Variants in KY observed in about 807,000 individuals in gnomAD.
The protein encoded by KY is kyphoscoliosis peptidase.
A neutral mutation model predicts 76.1 loss-of-function variants in KY; 43 were observed. The ratio of observed to expected loss-of-function variants is 0.57; its 90% CI spans 0.44 to 0.73. KY has a LOEUF of 0.73. Ranked by LOEUF, KY falls within the 30% of genes least tolerant of loss-of-function variation. The pLI is 0.00. For missense variants in KY, 722 were observed against 828.9 expected (o/e 0.87, Z 1.58); for synonymous variants, 277 against 326.2 (o/e 0.85, Z 1.63).
chr3:134,610,529 C>G, intron 8 of KY, 146 bp from the exon 9 acceptor site: 3 of 683,144 alleles, frequency 4.4e-6, no homozygotes, highest in Non-Finnish European at 4.9e-6. Flanking sequence ...CACATATAAA[C>G]AGCCTTGATG....
intron 3 of KY, among the ~76,000 whole-genome samples, chr3:134,635,834 A>C (rs1055834483): frequency 6.6e-6 from 1 of 152,226 alleles, no homozygotes; most frequent in Non-Finnish European, 1.5e-5. Flanking sequence ...TATAAAGCAG[A>C]AAGTGAAACT....
Position 134,625,064 on chromosome 3 carries a change from A to G in KY, c.472T>C (p.Tyr158His), listed in dbSNP as rs759006534. Reference sequence around the variant, plus strand: ...GCCAGCTGTCCTACCTGTGAGGCGTAGATATCCAATTTCTCAAACTGCTGC... The same window carrying G: ...GCCAGCTGTCCTACCTGTGAGGCGTGGATATCCAATTTCTCAAACTGCTGC... The part of the protein sequence containing the change: ...DLQQFEKLDI[Y>H]ASQVTAKSGL... Residue 158 changes from tyrosine (Y) to histidine (H), a missense_variant, in exon 6 of 11, where the codon TAC becomes CAC. Physicochemically the swap from Tyr to His is moderately conservative, Grantham distance 83. Around this residue, in one of 2 missense-constraint regions of KY, gnomAD observed 552 missense variants for 680.9 expected, o/e 0.81. Coordinates refer to ENST00000423778, the MANE Select transcript of KY (RefSeq NM_178554.6). 3 of 1,598,340 alleles carry G rather than the reference A, an allele frequency of 1.9e-6. No individual in the cohort carries two copies. Among genetic ancestry groups the G allele is most frequent in the Non-Finnish European group, 1.7e-6 (2 of 1,172,364 alleles).
At chr3:134,618,178 T>C (rs748059579) in intron 8 of KY, among the ~76,000 whole-genome samples, 1 of 151,846 alleles carries the variant, frequency 6.6e-6, no homozygotes, top group African/African-American at 2.4e-5. Flanking sequence ...TGCTTGGCAG[T>C]GGTGATGGGG....
chr3:134,616,758 A>G (rs956500999), intron 8 of KY, among the ~76,000 whole-genome samples: 4 of 152,214 alleles, frequency 2.6e-5, no homozygotes, highest in Admixed American at 2.0e-4. Context: ...AATTTTCTGA[A>G]TCTATGTAGG....
intron 10 of KY, chr3:134,607,487 C>T: frequency 1.0e-6 from 1 of 985,670 alleles, no homozygotes; most frequent in Non-Finnish European, 1.2e-6. Context: ...ATGGAGGCCC[C>T]AGTGGCAGAG....
chr3:134,620,881 G>C (rs1250113290), intron 6 of KY, 24 bp from the exon 7 acceptor site: 2 of 1,471,668 alleles, frequency 1.4e-6, no homozygotes, highest in Non-Finnish European at 1.9e-6. Context: ...AGGGTGTGCT[G>C]TATTAGGGCC....
rs1457453321 is a variant in KY at position 134,603,786 on chromosome 3, C to T, written c.1779G>A (p.Arg593=). 1.2e-6 allele frequency: 2 copies of T among 1,613,238 alleles called. No individual in the cohort carries two copies. The highest frequency in any genetic ancestry group is 8.5e-7 in the Non-Finnish European group (1 of 1,179,386). Residue 593 remains arginine (R), a synonymous_variant, in exon 11 of 11, where the codon CGG becomes CGA. Coordinates refer to ENST00000423778, the MANE Select transcript of KY (RefSeq NM_178554.6). The part of the protein sequence containing the change: ...EPLSGVLPAN[R]NVPFKLKLHG... ...GCAGCTTCAATTTGAATGGGACATT[C>T]CGGTTGGCAGGAAGCACACCTGACA...
rs569044771 is a variant in KY, at chr3:134,620,737, A to C, written c.592+12T>G. 86 of 1,601,998 alleles carry C rather than the reference A, an allele frequency of 5.4e-5. 1 individual carries two copies. In the South Asian group the frequency reaches 9.4e-4, roughly 18 times the overall value. ...GGGATTCTAGAGCCAGAAATTCCAC[A>C]GGGGGGCCTACCTATGTGATGGCAG... On this transcript the variant is annotated intron_variant, in intron 7 of 10. Coordinates refer to ENST00000423778, the MANE Select transcript of KY (RefSeq NM_178554.6).
chr3:134,609,755 G>A (rs1960014058), intron 9 of KY, among the ~76,000 whole-genome samples: 1 of 152,170 alleles, frequency 6.6e-6, no homozygotes, highest in African/African-American at 2.4e-5. Flanking sequence ...ATGTGATACG[G>A]TCTCACTCAG....
At chr3:134,607,191 C>T (rs192953185) in intron 10 of KY, 5 of 985,410 alleles carry the variant, frequency 5.1e-6, no homozygotes, top group East Asian at 1.1e-4. Flanking sequence ...CTGTTGTAAG[C>T]ACAGGAAATG....
intron 5 of KY, among the ~76,000 whole-genome samples, chr3:134,627,156 C>T (rs1445573005): frequency 1.3e-5 from 2 of 152,128 alleles, no homozygotes; most frequent in Non-Finnish European, 2.9e-5. Flanking sequence ...ATTAAATCTA[C>T]CTGTGAGGAG....
chr3:134,629,942 A>G (rs1278526228), intron 3 of KY, among the ~76,000 whole-genome samples: 1 of 152,218 alleles, frequency 6.6e-6, no homozygotes, highest in Non-Finnish European at 1.5e-5. Context: ...TAAACAATGT[A>G]CTGAATGTAA....
At chr3:134,623,016 C>T (rs918949003) in intron 6 of KY, among the ~76,000 whole-genome samples, 19 of 152,342 alleles carry the variant, frequency 1.2e-4, no homozygotes, top group Admixed American at 4.6e-4. Context: ...TTTTCTTCTA[C>T]GTCCAGCTCC....
chr3:134,637,622 C>G (rs1457334348), intron 3 of KY, among the ~76,000 whole-genome samples: 1 of 152,224 alleles, frequency 6.6e-6, no homozygotes, highest in Admixed American at 6.5e-5. Context: ...CAACAAATCT[C>G]TTCCCCAAAC....
At position 134,609,427 on chromosome 3, in the gene KY, C is replaced by T. The variant is rs565908882; in HGVS notation, c.900-588G>A. On this transcript the variant is annotated intron_variant, in intron 9 of 10. Transcript: ENST00000423778. ...GAGGTAAAGAGGGTATCTGTGAGTA[C>T]GCGAGCCCTGCGTGTAGGATGTGTG... Among the ~76,000 whole-genome samples, 10 of 152,262 alleles carry T rather than the reference C, an allele frequency of 6.6e-5. No individual in the cohort carries two copies. In the South Asian group the frequency reaches 1.5e-3, roughly 22 times the overall value.
At chr3:134,622,824 C>A (rs1962871110) in intron 6 of KY, among the ~76,000 whole-genome samples, 1 of 152,126 alleles carries the variant, frequency 6.6e-6, no homozygotes, top group African/African-American at 2.4e-5. Context: ...TGCAATGGTG[C>A]CCACATTCCC....
At chr3:134,647,410 G>A (rs1367069921) in intron 2 of KY, 25 bp downstream of exon 2, 1 of 1,554,788 alleles carries the variant, frequency 6.4e-7, no homozygotes. Flanking sequence ...AAATCCTATA[G>A]GTTGAAAGGA....
At chr3:134,607,036 T>C in intron 10 of KY, 1 of 985,136 alleles carries the variant, frequency 1.0e-6, no homozygotes, top group South Asian at 4.7e-5. Flanking sequence ...TTTAGATTTC[T>C]ATAAATTAAG....
At position 134,602,449 on chromosome 3, in the gene KY, A is replaced by G. The variant is rs2107726400; in HGVS notation, c.*1130T>C. ...GAGAAGGGAGGAAAGGAGACGGGATAGGATGTTTTCTCCGAGACAGGCACA... is the reference window on the plus strand; with the variant it reads ...GAGAAGGGAGGAAAGGAGACGGGATGGGATGTTTTCTCCGAGACAGGCACA... On this transcript the variant is annotated 3_prime_UTR_variant, in exon 11 of 11. Coordinates refer to ENST00000423778, the MANE Select transcript of KY (RefSeq NM_178554.6). Among the ~76,000 whole-genome samples the G allele has an allele frequency of 6.6e-6, 1 of 152,274 alleles. No homozygotes were observed. Among genetic ancestry groups the G allele is most frequent in the Non-Finnish European group, 1.5e-5 (1 of 68,004 alleles).
Sources: allele counts gnomAD v4.1 joint callset (sites outside exome capture counted in the v4.1 genomes callset), GRCh38; gene constraint gnomAD v4.1.1; regional missense constraint gnomAD v4.1.1; transcripts MANE v1.5; gene names NCBI Gene and HGNC (gene_info 2026-07-23, HGNC 2026-07-21).